The following MID2 variants were observed in gnomAD, a reference collection of about 807,000 sequenced individuals.
MID2 encodes the protein probable E3 ubiquitin-protein ligase MID2.
MID2 carries 13 observed loss-of-function variants against 46.1 expected under a neutral mutation model. The observed-to-expected ratio is 0.28, with a 90% CI of 0.18 to 0.45. The LOEUF (loss-of-function observed/expected upper bound fraction) is 0.45. MID2 is among the 20% of genes least tolerant of loss of function. MID2 has a pLI of 1.00. For synonymous variants in MID2, 199 were observed against 212.3 expected (o/e 0.94, Z 0.55); for missense variants, 431 against 575.4 (o/e 0.75, Z 2.57).
intron 1 of MID2, 66 bp from the exon 2 acceptor site, chrX:107,840,604 T>C: frequency 2.2e-6 from 2 of 903,988 alleles, no homozygotes; most frequent in South Asian, 2.2e-5. Context: ...TTGGTTAGTG[T>C]ATAATTGTGT....
chrX:107,882,400 C>T (rs1382580943), intron 3 of MID2, among the ~76,000 whole-genome samples: 3 of 111,683 alleles, frequency 2.7e-5, no homozygotes, highest in Non-Finnish European at 5.6e-5. Flanking sequence ...AAAGAAATTA[C>T]CATCAGGGTG....
intron 3 of MID2, among the ~76,000 whole-genome samples, chrX:107,857,710 G>A (rs1354129798): frequency 8.9e-6 from 1 of 112,263 alleles, no homozygotes; most frequent in Non-Finnish European, 1.9e-5. Context: ...AGGGACTTGA[G>A]ACTTCATAAA....
chrX:107,921,422 CT>C (rs1933070659), intron 7 of MID2, among the ~76,000 whole-genome samples: 1 of 111,145 alleles, frequency 9.0e-6, no homozygotes, highest in Admixed American at 9.6e-5. Flanking sequence ...GCTACTTTTT[CT>C]TTTGCCACTA....
Position 107,926,767 on chromosome X carries a change from C to T in MID2, c.1902C>T (p.Phe634=), listed in dbSNP as rs1376926695. The T allele has an allele frequency of 3.3e-6, 4 of 1,209,575 alleles. No homozygotes were observed. The highest frequency in any genetic ancestry group is 1.8e-5 in the African/African-American group (1 of 57,115). The part of the protein sequence containing the change: ...SWVFSRCNSN[F]VVRHNNKEML... ...TCTTCTCTCGCTGCAATAGTAACTT[C>T]GTGGTGAGACACAACAACAAGGAAA... The change falls in exon 10 of 10, where the codon TTC becomes TTT. Residue 634 remains phenylalanine (F), a synonymous_variant. Transcript: ENST00000262843.
chrX:107,894,971 T>C (rs1169362411), intron 3 of MID2: 1 of 110,055 alleles, frequency 9.1e-6, no homozygotes, highest in African/African-American at 3.3e-5. Context: ...CCTAAAACAT[T>C]ATGGGACTTC....
At chrX:107,910,295 C>G (rs1019482432) in intron 5 of MID2, among the ~76,000 whole-genome samples, 2 of 111,905 alleles carry the variant, frequency 1.8e-5, no homozygotes, top group African/African-American at 3.2e-5. Context: ...CATACATCCT[C>G]CAGGTTCATT....
intron 3 of MID2, among the ~76,000 whole-genome samples, chrX:107,886,145 T>C (rs1932447353): frequency 8.9e-6 from 1 of 111,779 alleles, no homozygotes; most frequent in Non-Finnish European, 1.9e-5. Context: ...CATTTGTCAA[T>C]TTTGGCTTTT....
At chrX:107,828,359 T>G (rs1328359919) in intron 1 of MID2, among the ~76,000 whole-genome samples, 1 of 99,501 alleles carries the variant, frequency 1.0e-5, no homozygotes, top group Non-Finnish European at 2.0e-5. Flanking sequence ...TTACCCAGGC[T>G]GGAGTGCAGT....
intron 6 of MID2, among the ~76,000 whole-genome samples, chrX:107,916,640 C>G (rs1361541056): frequency 8.9e-6 from 1 of 112,217 alleles, no homozygotes; most frequent in African/African-American, 3.2e-5. Context: ...ATTTAATGAT[C>G]ATTTCATGAA....
rs1933249552 is a variant in MID2 at position 107,929,761 on chromosome X, A to C, written c.*2688A>C. Among the ~76,000 whole-genome samples the C allele has an allele frequency of 1.8e-5, 2 of 110,504 alleles. No individual in the cohort carries two copies. Among genetic ancestry groups the C allele is most frequent in the African/African-American group, 3.3e-5 (1 of 30,279 alleles). ...TCCTGGACTACCTTTCCTCACCTCT[A>C]TCTCTCTCAACCAGACTAACTCTTT... On this transcript the variant is annotated 3_prime_UTR_variant, in exon 10 of 10. Transcript: ENST00000262843.
rs776351623 is a variant in MID2, at chrX:107,911,111, C to T, written c.1074-4891C>T. ...TCCAGTGATCTGCCCACCTTGGCCT[C>T]CCAAAGTGCTGAGATTACAGGTGTG... is the stretch of plus-strand genomic sequence containing the variant. On this transcript the variant is annotated intron_variant, in intron 5 of 9. Coordinates refer to ENST00000262843, the MANE Select transcript of MID2 (RefSeq NM_012216.4). 2.9e-3 allele frequency among the ~76,000 whole-genome samples: 317 copies of T among 109,250 alleles called. 1 individual carries two copies. The highest frequency in any genetic ancestry group is 0.01 in the African/African-American group (307 of 29,975). The allele number at this position is 109,250 out of a possible 115,157, so 94.9% of individuals were successfully genotyped here.
chrX:107,879,767 C>G (rs1932282632), intron 3 of MID2, among the ~76,000 whole-genome samples: 1 of 110,930 alleles, frequency 9.0e-6, no homozygotes. Context: ...GGGAATTTAT[C>G]TTTTTGTTAT....
At chrX:107,924,288 T>G in intron 7 of MID2, 55 bp from the exon 8 acceptor site, 1 of 1,111,693 alleles carries the variant, frequency 9.0e-7, no homozygotes, top group South Asian at 2.0e-5. Context: ...AGTGTGTTTT[T>G]CATTCTGTCT....
chrX:107,833,432 T>A (rs976326910), intron 1 of MID2, among the ~76,000 whole-genome samples: 1 of 107,664 alleles, frequency 9.3e-6, no homozygotes, highest in African/African-American at 3.4e-5. Context: ...TATATATATT[T>A]TTTTTAAAAA....
At chrX:107,915,855 C>A in intron 5 of MID2, 147 bp from the exon 6 acceptor site, 1 of 507,054 alleles carries the variant, frequency 2.0e-6, no homozygotes. Flanking sequence ...AAATAGTTTC[C>A]ATTGGAAAGG....
chrX:107,828,070 G>A (rs1170507204), intron 1 of MID2, among the ~76,000 whole-genome samples: 1 of 111,265 alleles, frequency 9.0e-6, no homozygotes, highest in Non-Finnish European at 1.9e-5. Flanking sequence ...CCTTGTGATA[G>A]TGAGTAATCT....
chrX:107,915,481 C>T (rs919120625), intron 5 of MID2, among the ~76,000 whole-genome samples: 4 of 108,604 alleles, frequency 3.7e-5, no homozygotes, highest in African/African-American at 1.0e-4. Context: ...GGAAGGGGGT[C>T]GGAGAGGCAG....
chrX:107,871,597 C>T (rs1474843231), intron 3 of MID2, among the ~76,000 whole-genome samples: 2 of 111,048 alleles, frequency 1.8e-5, no homozygotes, highest in African/African-American at 6.6e-5. Context: ...GGAATGAGGT[C>T]GCATGAACAA....
At chrX:107,847,845 TG>T (rs1164284085) in intron 2 of MID2, among the ~76,000 whole-genome samples, 1 of 111,106 alleles carries the variant, frequency 9.0e-6, no homozygotes, top group East Asian at 2.8e-4. Flanking sequence ...GCAATGACAG[TG>T]GAAGAACAGG....
Sources: allele counts gnomAD v4.1 joint callset (sites outside exome capture counted in the v4.1 genomes callset), GRCh38; gene constraint gnomAD v4.1.1; transcripts MANE v1.5; gene names NCBI Gene and HGNC (gene_info 2026-07-23, HGNC 2026-07-21).